SLCO1A2: variants seen among roughly 807,000 people sequenced by gnomAD.
The protein encoded by SLCO1A2 is OATP-1.
A neutral mutation model predicts 69.0 loss-of-function variants in SLCO1A2; 67 were observed. The ratio of observed to expected loss-of-function variants is 0.97; its 90% CI spans 0.80 to 1.19. The LOEUF is 1.19. Ranked by LOEUF, SLCO1A2 falls within the 50% of genes most tolerant of loss-of-function variation. SLCO1A2 has a pLI of 0.00. For synonymous variants in SLCO1A2, 260 were observed against 265.9 expected (o/e 0.98, Z 0.22); for missense variants, 787 against 793.7 (o/e 0.99, Z 0.10).
chr12:21,273,373 C>G (rs1943221453), intron 14 of SLCO1A2, among the ~76,000 whole-genome samples: 1 of 152,128 alleles, frequency 6.6e-6, no homozygotes, highest in African/African-American at 2.4e-5. Context: ...AAAAAATGCT[C>G]TCAGTGTCCC....
chr12:21,338,825 C>CA (rs34233148), upstream of SLCO1A2, among the ~76,000 whole-genome samples: 13,469 of 150,154 alleles, frequency 0.09, 1,084 homozygotes, highest in African/African-American at 0.22. Flanking sequence ...TTATAAGGCT[C>CA]AAAAAAAAAC....
chr12:21,407,380 T>C (rs188477840), intron 1 of SLCO1A2, among the ~76,000 whole-genome samples: 1 of 152,268 alleles, frequency 6.6e-6, no homozygotes, highest in Non-Finnish European at 1.5e-5. Context: ...AGTTGGAGCG[T>C]TGAGCAGAGG....
At chr12:21,396,767 A>T (rs1941479114), upstream of SLCO1A2, among the ~76,000 whole-genome samples, 1 of 152,184 alleles carries the variant, frequency 6.6e-6, no homozygotes, top group Non-Finnish European at 1.5e-5. Context: ...ATATCCAGCC[A>T]AACTAAGCTT....
intron 2 of SLCO1A2, among the ~76,000 whole-genome samples, chr12:21,357,725 TTG>T (rs202062149): frequency 0.043 from 6,509 of 152,232 alleles, 146 homozygotes; most frequent in African/African-American, 0.048. Flanking sequence ...TTTATTTTTT[TTG>T]TTTTTATCTG....
chr12:21,363,772 T>C (rs987166745), intron 2 of SLCO1A2, among the ~76,000 whole-genome samples: 23 of 152,212 alleles, frequency 1.5e-4, no homozygotes, highest in Admixed American at 6.5e-5. Context: ...TAAACACCTC[T>C]GTGCAAATCA....
chr12:21,332,753 C>A (rs1343950060), intron 2 of SLCO1A2, among the ~76,000 whole-genome samples: 1 of 152,072 alleles, frequency 6.6e-6, no homozygotes, highest in African/African-American at 2.4e-5. Flanking sequence ...TATTATAAAG[C>A]CACTGAACCC....
intron 10 of SLCO1A2, chr12:21,294,669 G>C (rs759730658): frequency 1.3e-5 from 2 of 152,156 alleles, no homozygotes; most frequent in African/African-American, 2.4e-5. Context: ...TACACATTCT[G>C]TCTGGGAATC....
chr12:21,271,562 A>G (rs1346313561), intron 14 of SLCO1A2, among the ~76,000 whole-genome samples: 1 of 150,468 alleles, frequency 6.6e-6, no homozygotes, highest in Non-Finnish European at 1.5e-5. Context: ...TGAGTTCATT[A>G]ATTTTCAGCC....
At chr12:21,418,517 T>C (rs537937315), upstream of SLCO1A2, among the ~76,000 whole-genome samples, 1 of 152,070 alleles carries the variant, frequency 6.6e-6, no homozygotes, top group African/African-American at 2.4e-5. Context: ...CTCATAATCA[T>C]GATGGAAGGC....
chr12:21,404,210 A>C (rs1941785308), intron 1 of SLCO1A2, among the ~76,000 whole-genome samples: 1 of 152,110 alleles, frequency 6.6e-6, no homozygotes, highest in African/African-American at 2.4e-5. Context: ...AATGGAGTGG[A>C]TAAGATAGTT....
In SLCO1A2 at chr12:21,268,313, A is replaced by G. The variant is rs1210400426; in HGVS notation, c.*1235T>C. The G allele has an allele frequency of 6.6e-6, 1 of 151,984 alleles. No individual in the cohort carries two copies. The highest frequency in any genetic ancestry group is 1.9e-4 in the East Asian group (1 of 5,162). The allele number at this position is 151,984 out of a possible 1,614,324, so 9.4% of individuals were successfully genotyped here. A position where few individuals can be genotyped will look rare whatever the true frequency, so the allele number is the denominator to read the frequency against. On this transcript the variant is annotated 3_prime_UTR_variant, in exon 15 of 15. Coordinates refer to ENST00000683939, the MANE Select transcript of SLCO1A2 (RefSeq NM_001386879.1). Reference sequence around the variant, plus strand: ...CCCTGCAGACACTCTCACTCCATTTATAGTACACATAAATAACCATAGTGT... The same window carrying G: ...CCCTGCAGACACTCTCACTCCATTTGTAGTACACATAAATAACCATAGTGT...
chr12:21,280,470 A>C (rs1054694020), intron 12 of SLCO1A2, among the ~76,000 whole-genome samples: 1 of 152,230 alleles, frequency 6.6e-6, no homozygotes. Flanking sequence ...AAAAAACTGT[A>C]AGAAGAGACG....
At position 21,297,069 on chromosome 12, in the gene SLCO1A2, C is replaced by A. The variant is rs558177458; in HGVS notation, c.1075+335G>T. Among the ~76,000 whole-genome samples, 9 of 152,254 alleles carry A rather than the reference C, an allele frequency of 5.9e-5. No homozygotes were observed. In the South Asian group the frequency reaches 1.9e-3, roughly 32 times the overall value. ...AAGAGTAAAATTTGGTAGTAAAATG[C>A]ACAATCCTATCTGAAAATATGTAAT... On this transcript the variant is annotated intron_variant, in intron 9 of 14. Coordinates refer to ENST00000683939, the MANE Select transcript of SLCO1A2 (RefSeq NM_001386879.1).
At chr12:21,415,834 T>A (rs1025610574) in intron 1 of SLCO1A2, among the ~76,000 whole-genome samples, 2 of 152,062 alleles carry the variant, frequency 1.3e-5, no homozygotes, top group Admixed American at 1.3e-4. Context: ...TTCTAGAAAG[T>A]TAGCACTTTT....
intron 1 of SLCO1A2, chr12:21,378,256 A>G: frequency 6.2e-7 from 1 of 1,614,224 alleles, no homozygotes; most frequent in Non-Finnish European, 8.5e-7. Flanking sequence ...GGAAAAGCGG[A>G]AATGCAACAC....
In SLCO1A2 at chr12:21,368,470, A is replaced by AT. The variant is rs35001636; in HGVS notation, c.-63+5928dup. Among the ~76,000 whole-genome samples, 81 of 148,760 alleles carry AT rather than the reference A, an allele frequency of 5.4e-4. 1 individual carries two copies. The highest frequency in any genetic ancestry group is 3.5e-3 in the Middle Eastern group (1 of 288). On this transcript the variant is annotated intron_variant, in intron 2 of 15. Coordinates refer to the SLCO1A2 transcript ENST00000307378. ...ATCCTGAATCCAACAAACCAGTTAAATTTTTTTTTTTGTAGACAACTGGAA... is the reference window on the plus strand; with the variant it reads ...ATCCTGAATCCAACAAACCAGTTAAATTTTTTTTTTTTGTAGACAACTGGAA...
At chr12:21,416,632 G>C (rs1941993698) in intron 1 of SLCO1A2, among the ~76,000 whole-genome samples, 1 of 151,808 alleles carries the variant, frequency 6.6e-6, no homozygotes, top group Admixed American at 6.6e-5. Flanking sequence ...TTAAGAGACA[G>C]GGTCTCATGA....
At chr12:21,330,996 ACTTTT>A (rs1952578622) in intron 2 of SLCO1A2, among the ~76,000 whole-genome samples, 1 of 152,188 alleles carries the variant, frequency 6.6e-6, no homozygotes, top group East Asian at 1.9e-4. Context: ...ATATAAAATT[ACTTTT>A]CTTTTAAGCT....
At chr12:21,304,613 GA>G in intron 5 of SLCO1A2, 40 bp from the exon 6 acceptor site, 1 of 1,535,158 alleles carries the variant, frequency 6.5e-7, no homozygotes, top group Non-Finnish European at 8.9e-7. Flanking sequence ...GTGCTTTGAC[GA>G]TAAAGTGTCA....
Sources: allele counts gnomAD v4.1 joint callset (sites outside exome capture counted in the v4.1 genomes callset), GRCh38; gene constraint gnomAD v4.1.1; transcripts MANE v1.5; gene names NCBI Gene and HGNC (gene_info 2026-07-23, HGNC 2026-07-21).